The following ZNF814 variants were observed in gnomAD, a reference collection of about 807,000 sequenced individuals.
ZNF814 encodes the protein zinc finger protein 814.
ZNF814 carries 5 observed loss-of-function variants against 7.5 expected under a neutral mutation model. The observed-to-expected ratio is 0.67, with a 90% confidence interval of 0.35 to 1.40. The LOEUF (loss-of-function observed/expected upper bound fraction) is 1.40, where lower values mean the gene tolerates loss of function less well. Among genes scored for constraint, ZNF814 ranks in the 40% most tolerant of loss-of-function variants. The pLI is 0.04. For missense variants in ZNF814, 962 were observed against 1,018.0 expected (o/e 0.94, Z 0.75); for synonymous variants, 315 against 340.7 (o/e 0.92, Z 0.83).
chr19:57,901,050 G>GTTTTAGCCAGGA, the ZNF814 span, among the ~76,000 whole-genome samples: 3 of 150,962 alleles, frequency 2.0e-5, no homozygotes, highest in African/African-American at 4.9e-5. Flanking sequence ...GGGTTTCACC[G>GTTTTAGCCAGGA]TGGTCTTGAT....
intron 1 of ZNF814, among the ~76,000 whole-genome samples, chr19:57,882,773 CTTCCT>C (rs1367290809): frequency 6.6e-6 from 1 of 150,894 alleles, no homozygotes; most frequent in Non-Finnish European, 1.5e-5. Context: ...CCTGGAAACT[CTTCCT>C]AAGAAGGACA....
At chr19:57,882,929 G>A (rs553747930) in intron 1 of ZNF814, among the ~76,000 whole-genome samples, 40 of 152,286 alleles carry the variant, frequency 2.6e-4, no homozygotes, top group African/African-American at 9.1e-4. Context: ...CACCAAAGAC[G>A]AATCCTGGAG....
chr19:57,904,750 C>A, the ZNF814 span, among the ~76,000 whole-genome samples: 2 of 152,016 alleles, frequency 1.3e-5, no homozygotes, highest in East Asian at 3.9e-4. Flanking sequence ...GACTTAATAC[C>A]CAATGAAAGC....
At chr19:57,893,150 G>A (rs1021320201), upstream of ZNF814, among the ~76,000 whole-genome samples, 1 of 150,680 alleles carries the variant, frequency 6.6e-6, no homozygotes, top group Admixed American at 6.6e-5. Context: ...AAAAGGGTAA[G>A]AATTTCTTTT....
chr19:57,902,895 G>A, the ZNF814 span, among the ~76,000 whole-genome samples: 1 of 151,882 alleles, frequency 6.6e-6, no homozygotes, highest in African/African-American at 2.4e-5. Context: ...TAGCCAGGAT[G>A]GTCTTGATCT....
Position 57,874,224 on chromosome 19 carries a change from A to C in ZNF814, c.1166T>G (p.Phe389Cys), listed in dbSNP as rs1177837138. 2 of 1,578,096 alleles carry C rather than the reference A, an allele frequency of 1.3e-6. No individual in the cohort carries two copies. Among genetic ancestry groups the C allele is most frequent in the Admixed American group, 3.7e-5 (2 of 54,740 alleles). ...PYECGECGKS[F>C]SKYASFSNHQ... The stretch of plus-strand genomic sequence containing the variant: ...ATTACTGAAGCTAGCATATTTGCTA[A>C]ACGATTTCCCACATTCTCCACATTC... Residue 389 changes from phenylalanine (F) to cysteine (C), a missense_variant, in exon 3 of 3, where the codon TTT (phenylalanine) becomes TGT (cysteine). Phe to Cys is a radical substitution (Grantham distance 205). This residue lies in a region of ZNF814 where 13 missense variants were observed against 27.7 expected (regional missense o/e 0.47). Coordinates refer to ENST00000435989, the MANE Select transcript of ZNF814 (RefSeq NM_001144989.2).
intron 1 of ZNF814, among the ~76,000 whole-genome samples, chr19:57,879,534 A>G (rs1274188135): frequency 6.7e-6 from 1 of 148,550 alleles, no homozygotes; most frequent in South Asian, 2.1e-4. Flanking sequence ...TGGTTCCCTA[A>G]AAGATTTACT....
At position 57,872,674 on chromosome 19, in the gene ZNF814, G is replaced by A. The variant is rs1428400352; in HGVS notation, c.*148C>T. The stretch of plus-strand genomic sequence containing the variant: ...GCACTCATAAGGTGGTGTGACCAGT[G>A]TGAACTCTCTTATGAACACAGAATG... On this transcript the variant is annotated 3_prime_UTR_variant, in exon 3 of 3. Transcript: ENST00000435989. 3.2e-6 allele frequency: 5 copies of A among 1,573,542 alleles called. No individual in the cohort carries two copies. The highest frequency in any genetic ancestry group is 4.3e-6 in the Non-Finnish European group (5 of 1,153,548).
chr19:57,877,438 TA>T (rs566356749), intron 1 of ZNF814, among the ~76,000 whole-genome samples: 144 of 152,222 alleles, frequency 9.5e-4, no homozygotes, highest in Non-Finnish European at 1.8e-3. Flanking sequence ...ACTTAAAGTA[TA>T]TTTTTTTGTT....
upstream of ZNF814, among the ~76,000 whole-genome samples, chr19:57,893,575 G>A (rs1443965955): frequency 1.3e-5 from 2 of 151,558 alleles, no homozygotes; most frequent in South Asian, 2.1e-4. Context: ...TCAGGAGTTC[G>A]ACAACAGCCT....
At chr19:57,904,360 GT>G in the ZNF814 span, among the ~76,000 whole-genome samples, 4 of 152,058 alleles carry the variant, frequency 2.6e-5, no homozygotes, top group Non-Finnish European at 4.4e-5. Context: ...CCATACTGGC[GT>G]TGGCCCCTGA....
In ZNF814 at chr19:57,869,546, A is replaced by G. The variant is rs1238799517; in HGVS notation, c.*3276T>C. The G allele has an allele frequency of 6.6e-6, 1 of 152,182 alleles. No individual in the cohort carries two copies. The highest frequency in any genetic ancestry group is 1.5e-5 in the Non-Finnish European group (1 of 68,036). The allele number at this position is 152,182 out of a possible 1,614,324, so 9.4% of individuals were successfully genotyped here. A position where few individuals can be genotyped will look rare whatever the true frequency, so the allele number is the denominator to read the frequency against. On this transcript the variant is annotated 3_prime_UTR_variant, in exon 3 of 3. Coordinates refer to ENST00000435989, the MANE Select transcript of ZNF814 (RefSeq NM_001144989.2). ...AGGTGTTAAGTTCATTATTGTGACT[A>G]TGTTAATGGTTTCATGGGATTATAT... is the stretch of plus-strand genomic sequence containing the variant.
intron 1 of ZNF814, among the ~76,000 whole-genome samples, chr19:57,883,275 A>G (rs569477893): frequency 1.9e-4 from 29 of 149,724 alleles, no homozygotes; most frequent in Admixed American, 9.3e-4. Context: ...GGAGAATGGC[A>G]TGAACCCCAG....
At chr19:57,886,804 C>T (rs773855070) in intron 1 of ZNF814, among the ~76,000 whole-genome samples, 1 of 150,696 alleles carries the variant, frequency 6.6e-6, no homozygotes, top group South Asian at 2.1e-4. Context: ...CTCTTGAACC[C>T]GGGAGGCGGA....
intron 1 of ZNF814, among the ~76,000 whole-genome samples, chr19:57,878,461 C>CT (rs1004059214): frequency 0.028 from 3,897 of 138,256 alleles, 145 homozygotes; most frequent in African/African-American, 0.083. Flanking sequence ...GATACATTAC[C>CT]TTTTTTTTTT....
intron 1 of ZNF814, among the ~76,000 whole-genome samples, chr19:57,887,849 A>G (rs916924013): frequency 1.3e-5 from 2 of 152,032 alleles, no homozygotes; most frequent in African/African-American, 4.8e-5. Flanking sequence ...CCCATATCTA[A>G]CTCTTATGAA....
rs1321084019 is a variant in ZNF814, at chr19:57,871,590, G to C, written c.*1232C>G. On this transcript the variant is annotated 3_prime_UTR_variant, in exon 3 of 3. Transcript: ENST00000435989. Reference sequence around the variant, plus strand: ...AGAAATGGGAGGCAAGCTGTTCTTAGGATCATGACTTGGAGGGTAGAAAAT... The same window carrying C: ...AGAAATGGGAGGCAAGCTGTTCTTACGATCATGACTTGGAGGGTAGAAAAT... 6.6e-6 allele frequency: 1 copy of C among 152,122 alleles called. No individual in the cohort carries two copies. The highest frequency in any genetic ancestry group is 1.9e-4 in the East Asian group (1 of 5,186). 9.4% of individuals were successfully genotyped at this position (152,122 alleles called of 1,614,324 possible).
the ZNF814 span, chr19:57,901,623 C>A: frequency 2.5e-6 from 1 of 398,688 alleles, no homozygotes; most frequent in Admixed American, 4.4e-5. Flanking sequence ...GAATGAAAAT[C>A]TCAGAGACAA....
At position 57,884,936 on chromosome 19, in the gene ZNF814, A is replaced by G. The variant is rs1450143978; in HGVS notation, c.36+3831T>C. Among the ~76,000 whole-genome samples the G allele has an allele frequency of 1.3e-5, 2 of 152,206 alleles. 1 individual carries two copies. Among genetic ancestry groups the G allele is most frequent in the East Asian group, 3.9e-4 (2 of 5,186 alleles). ...AACCAAAAGGAATCCAGTATATCAC[A>G]GAGATATCTGCACTCCCATGTTTGC... On this transcript the variant is annotated intron_variant, in intron 1 of 2. Coordinates refer to ENST00000435989, the MANE Select transcript of ZNF814 (RefSeq NM_001144989.2).
Sources: allele counts gnomAD v4.1 joint callset (sites outside exome capture counted in the v4.1 genomes callset), GRCh38; gene constraint gnomAD v4.1.1; regional missense constraint gnomAD v4.1.1; transcripts MANE v1.5; gene names NCBI Gene and HGNC (gene_info 2026-07-23, HGNC 2026-07-21).